Variants in KHDRBS2 observed in about 807,000 individuals in gnomAD.
KHDRBS2 encodes the protein KH RNA binding domain containing, signal transduction associated 2, also known as KH domain-containing, RNA-binding, signal transduction-associated protein 2.
KHDRBS2 carries 26 observed loss-of-function variants against 44.3 expected under a neutral mutation model. The ratio of observed to expected loss-of-function variants is 0.59; its 90% CI spans 0.43 to 0.81. The LOEUF is 0.81. KHDRBS2 is among the 40% of genes least tolerant of loss of function. The probability of loss-of-function intolerance (pLI) is 0.00; values close to 1 mark genes in which losing one functional copy is unlikely to be tolerated. For missense variants in KHDRBS2, 476 were observed against 433.1 expected (o/e 1.10, Z -0.88); for synonymous variants, 194 against 151.1 (o/e 1.28, Z -2.08).
intron 4 of KHDRBS2, among the ~76,000 whole-genome samples, chr6:61,954,706 A>G (rs1353486420): frequency 8.3e-6 from 1 of 120,076 alleles, no homozygotes; most frequent in Non-Finnish European, 1.9e-5. Context: ...ACATATGTGT[A>G]TATACACATG....
At chr6:61,646,355 C>A in the KHDRBS2 span, among the ~76,000 whole-genome samples, 1 of 152,206 alleles carries the variant, frequency 6.6e-6, no homozygotes. Context: ...GATCCCTTGG[C>A]TCCCAGATCC....
At chr6:61,910,948 GTTGAT>G (rs1015505395) in intron 4 of KHDRBS2, among the ~76,000 whole-genome samples, 1 of 152,232 alleles carries the variant, frequency 6.6e-6, no homozygotes, top group African/African-American at 2.4e-5. Context: ...CAAAATAGGC[GTTGAT>G]TTAATACTTC....
the KHDRBS2 span, among the ~76,000 whole-genome samples, chr6:61,551,917 C>T: frequency 0.024 from 3,718 of 151,952 alleles, 71 homozygotes; most frequent in Middle Eastern, 0.085. Context: ...ATTATATATC[C>T]CATGTGAATG....
chr6:62,232,598 T>C (rs188927611), intron 1 of KHDRBS2, among the ~76,000 whole-genome samples: 1 of 152,200 alleles, frequency 6.6e-6, no homozygotes, highest in African/African-American at 2.4e-5. Flanking sequence ...ATTTAAAATA[T>C]GCAAATGTAC....
At chr6:62,257,895 T>C (rs1218379763) in intron 1 of KHDRBS2, among the ~76,000 whole-genome samples, 2 of 151,996 alleles carry the variant, frequency 1.3e-5, no homozygotes, top group African/African-American at 2.4e-5. Context: ...TTTTCTCCTT[T>C]TGCTCTCTAC....
chr6:61,577,683 T>A, the KHDRBS2 span, among the ~76,000 whole-genome samples: 1 of 152,108 alleles, frequency 6.6e-6, no homozygotes, highest in Non-Finnish European at 1.5e-5. Context: ...ATAACTGAAA[T>A]GTTCTTTATA....
chr6:61,872,091 A>AT (rs753236730), intron 6 of KHDRBS2, among the ~76,000 whole-genome samples: 1 of 152,322 alleles, frequency 6.6e-6, no homozygotes, highest in East Asian at 1.9e-4. Context: ...TTAAAGTATA[A>AT]TAAAAAAAAG....
At chr6:62,242,899 A>C (rs752550739) in intron 1 of KHDRBS2, among the ~76,000 whole-genome samples, 6 of 152,126 alleles carry the variant, frequency 3.9e-5, no homozygotes, top group Non-Finnish European at 8.8e-5. Flanking sequence ...TTTTGCTATC[A>C]TATACTTTGT....
chr6:61,661,935 G>A, the KHDRBS2 span, among the ~76,000 whole-genome samples: 11 of 151,532 alleles, frequency 7.3e-5, no homozygotes, highest in South Asian at 8.3e-4. Context: ...AGCCCGCATC[G>A]CCAAGCCAAT....
intron 6 of KHDRBS2, among the ~76,000 whole-genome samples, chr6:61,763,384 G>A (rs768297342): frequency 2.6e-5 from 4 of 152,262 alleles, no homozygotes; most frequent in African/African-American, 4.8e-5. Flanking sequence ...GGCAGTATAC[G>A]TATGCTTCTC....
In KHDRBS2 at chr6:61,754,082, C is replaced by T. The variant is rs1193749001; in HGVS notation, c.811-21318G>A. ...TGACACCTTTATTTTGGACTTCTGG[C>T]CTCCGGAACTGCGAGAGAATAGATT... is the stretch of plus-strand genomic sequence containing the variant. On this transcript the variant is annotated intron_variant, in intron 6 of 8. Transcript: ENST00000281156. Among the ~76,000 whole-genome samples the T allele has an allele frequency of 2.0e-5, 3 of 152,188 alleles. No individual in the cohort carries two copies. In the East Asian group the frequency reaches 5.8e-4, roughly 29 times the overall value.
intron 3 of KHDRBS2, among the ~76,000 whole-genome samples, chr6:62,034,902 C>T (rs188679432): frequency 2.7e-4 from 41 of 151,952 alleles, no homozygotes; most frequent in African/African-American, 8.7e-4. Context: ...CATCATTGAT[C>T]ATCAGAGTAA....
chr6:61,618,343 G>A, the KHDRBS2 span, among the ~76,000 whole-genome samples: 1 of 152,110 alleles, frequency 6.6e-6, no homozygotes, highest in East Asian at 1.9e-4. Flanking sequence ...TGCATGACAT[G>A]ACCAATTTTA....
At chr6:62,122,407 T>A (rs111973872) in intron 2 of KHDRBS2, among the ~76,000 whole-genome samples, 1 of 152,154 alleles carries the variant, frequency 6.6e-6, no homozygotes, top group Non-Finnish European at 1.5e-5. Flanking sequence ...TATCATGAAC[T>A]GGGTGCTTTC....
chr6:61,732,623 G>T, intron 7 of KHDRBS2, 59 bp downstream of exon 7: 1 of 976,094 alleles, frequency 1.0e-6, no homozygotes, highest in Non-Finnish European at 1.6e-6. Context: ...TCAGATTCAA[G>T]AAACAAAATT....
At chr6:62,101,332 A>G (rs1801856280) in intron 2 of KHDRBS2, among the ~76,000 whole-genome samples, 1 of 152,120 alleles carries the variant, frequency 6.6e-6, no homozygotes, top group African/African-American at 2.4e-5. Context: ...GAGTTGACTG[A>G]GCTTAAAACA....
rs537884974 is a variant in KHDRBS2 at position 62,037,875 on chromosome 6, G to C, written c.336+10003C>G. Among the ~76,000 whole-genome samples the C allele has an allele frequency of 3.3e-5, 5 of 152,108 alleles. 1 individual carries two copies. The highest frequency in any genetic ancestry group is 1.2e-4 in the African/African-American group (5 of 41,546). On this transcript the variant is annotated intron_variant, in intron 3 of 8. Transcript: ENST00000281156. ...GTTAGTATTTTCAAAATTAAAACAA[G>C]ATGCTAAGTTTGCACAAAAATATGC... is the stretch of plus-strand genomic sequence containing the variant.
chr6:62,210,127 T>A (rs956842669), intron 1 of KHDRBS2, among the ~76,000 whole-genome samples: 1 of 152,142 alleles, frequency 6.6e-6, no homozygotes, highest in African/African-American at 2.4e-5. Flanking sequence ...TGAAAATATC[T>A]GTGCTTTTGT....
At chr6:62,191,912 T>TA (rs911847277) in intron 1 of KHDRBS2, among the ~76,000 whole-genome samples, 20 of 152,060 alleles carry the variant, frequency 1.3e-4, no homozygotes, top group African/African-American at 4.6e-4. Context: ...GACACAAATT[T>TA]AAAAAAACTT....
Sources: allele counts gnomAD v4.1 joint callset (sites outside exome capture counted in the v4.1 genomes callset), GRCh38; gene constraint gnomAD v4.1.1; transcripts MANE v1.5; gene names NCBI Gene and HGNC (gene_info 2026-07-23, HGNC 2026-07-21).